Variants in DCP2 observed in about 807,000 individuals in gnomAD.
DCP2 encodes decapping mRNA 2.
Under a neutral mutation model 56.1 loss-of-function variants are expected in DCP2, and 30 were observed. The observed-to-expected ratio is 0.53, with a 90% CI of 0.40 to 0.73. DCP2 has a LOEUF of 0.73. Among genes scored for constraint, DCP2 ranks in the 30% least tolerant of loss-of-function variants. The pLI, the probability that DCP2 is intolerant of heterozygous loss-of-function variation, is 0.00. For synonymous variants in DCP2, 197 were observed against 163.3 expected (o/e 1.21, Z -1.57); for missense variants, 533 against 502.7 (o/e 1.06, Z -0.58).
rs1749865040 is a variant in DCP2 at position 113,015,858 on chromosome 5, A to G, written c.*2374A>G. ...TAGCGAACTGGATTTCTCCTTTGAG[A>G]AATTTTAGTATGGTTTGAGGAAATC... On this transcript the variant is annotated 3_prime_UTR_variant, in exon 11 of 11. Transcript: ENST00000389063. 1 of 152,604 alleles carries G rather than the reference A, an allele frequency of 6.6e-6. No individual in the cohort carries two copies. Among genetic ancestry groups the G allele is most frequent in the Admixed American group, 6.5e-5 (1 of 15,282 alleles). The allele number at this position is 152,604 out of a possible 1,614,324, so 9.5% of individuals were successfully genotyped here. A position where few individuals can be genotyped will look rare whatever the true frequency, so the allele number is the denominator to read the frequency against.
Position 112,992,133 on chromosome 5 carries a change from G to A in DCP2, c.218G>A (p.Cys73Tyr). Residue 73 changes from cysteine (C) to tyrosine (Y), a missense_variant, in exon 3 of 11, where the codon TGT (cysteine) becomes TAT (tyrosine). Cys to Tyr is a radical substitution (Grantham distance 194). Coordinates refer to ENST00000389063, the MANE Select transcript of DCP2 (RefSeq NM_152624.6). ...RDFAKAVFSH[C>Y]PFLLPQGEDV... is the part of the protein sequence containing the mutation. ...ACACTATTTATACTCTTCAGTCATT[G>A]TCCGTTTTTGCTGCCTCAAGGTGAA... 6.2e-7 allele frequency: 1 copy of A among 1,613,854 alleles called. No homozygotes were observed. The highest frequency in any genetic ancestry group is 8.5e-7 in the Non-Finnish European group (1 of 1,179,958).
At chr5:112,977,029 T>C (rs749190268) in intron 1 of DCP2, 43 bp downstream of exon 1, 19 of 1,457,392 alleles carry the variant, frequency 1.3e-5, no homozygotes, top group Non-Finnish European at 1.7e-5. Context: ...TCGGGTTTTC[T>C]CAGTTTCGCG....
rs1299414253 is a variant in DCP2, at chr5:113,020,734, C to T, written c.*7250C>T. The T allele has an allele frequency of 6.6e-6, 1 of 152,202 alleles. No individual in the cohort carries two copies. Among genetic ancestry groups the T allele is most frequent in the Non-Finnish European group, 1.5e-5 (1 of 68,040 alleles). The allele number at this position is 152,202 out of a possible 1,614,324, so 9.4% of individuals were successfully genotyped here. On this transcript the variant is annotated 3_prime_UTR_variant, in exon 11 of 11. Transcript: ENST00000389063. ...TAGAATGTCAGCTGTACTCTGTACTCTCCACTGAGAAAATGAACAAAATCC... is the reference window on the plus strand; with the variant it reads ...TAGAATGTCAGCTGTACTCTGTACTTTCCACTGAGAAAATGAACAAAATCC...
chr5:113,018,520 T>G lies in DCP2; in HGVS notation c.*5036T>G, dbSNP rs1447718511. ...GTACTCTGAAGAGTGAATGCAGAAA[T>G]CAGTTGGCTGTGTTTGTAATCTTGT... On this transcript the variant is annotated 3_prime_UTR_variant, in exon 11 of 11. Coordinates refer to ENST00000389063, the MANE Select transcript of DCP2 (RefSeq NM_152624.6). The G allele has an allele frequency of 1.3e-5, 2 of 152,220 alleles. No homozygotes were observed. Among genetic ancestry groups the G allele is most frequent in the African/African-American group, 4.8e-5 (2 of 41,454 alleles). The allele number at this position is 152,220 out of a possible 1,614,324, so 9.4% of individuals were successfully genotyped here.
rs531787311 is a variant in DCP2, at chr5:113,021,765, T to C, written c.*8281T>C. On this transcript the variant is annotated 3_prime_UTR_variant, in exon 11 of 11. Coordinates refer to ENST00000389063, the MANE Select transcript of DCP2 (RefSeq NM_152624.6). ...TTGTAATCTTTCTCTAACAGATGTG[T>C]TGCAAAGCTGCTTGCCATCTTGTTG... Among the ~76,000 whole-genome samples the C allele has an allele frequency of 6.6e-6, 1 of 152,376 alleles. No homozygotes were observed. Among genetic ancestry groups the C allele is most frequent in the South Asian group, 2.1e-4 (1 of 4,830 alleles).
chr5:112,992,893 G>C, intron 4 of DCP2, 123 bp downstream of exon 4: 1 of 462,860 alleles, frequency 2.2e-6, no homozygotes, highest in Non-Finnish European at 3.4e-6. Flanking sequence ...AGTGCATGAA[G>C]TAACTTACTT....
At position 113,013,581 on chromosome 5, in the gene DCP2, A is replaced by C. The variant is rs1749768425; in HGVS notation, c.*97A>C. 1.9e-5 allele frequency: 27 copies of C among 1,402,162 alleles called. No homozygotes were observed. The highest frequency in any genetic ancestry group is 2.5e-5 in the Non-Finnish European group (26 of 1,029,682). 86.9% of individuals were successfully genotyped at this position (1,402,162 alleles called of 1,614,324 possible). ...TTACCTTTCTCAGGTGTTTTAAAGA[A>C]ATGCAGGGAGGCAATGTTTCTGAAG... On this transcript the variant is annotated 3_prime_UTR_variant, in exon 11 of 11. Transcript: ENST00000389063.
intron 4 of DCP2, 105 bp from the exon 5 acceptor site, chr5:113,000,979 C>A: frequency 9.1e-7 from 1 of 1,104,244 alleles, no homozygotes. Context: ...ATAGTAAATA[C>A]AAGTCATGTC....
At chr5:112,988,614 G>A (rs976508383) in intron 2 of DCP2, among the ~76,000 whole-genome samples, 2 of 151,684 alleles carry the variant, frequency 1.3e-5, no homozygotes, top group African/African-American at 4.8e-5. Context: ...AGAAAACACT[G>A]ATGGGAGACA....
Position 112,992,151 on chromosome 5 carries a change from A to C in DCP2, c.236A>C (p.Gln79Pro), listed in dbSNP as rs764907689. 7 of 1,613,972 alleles carry C rather than the reference A, an allele frequency of 4.3e-6. No homozygotes were observed. The highest frequency in any genetic ancestry group is 5.9e-6 in the Non-Finnish European group (7 of 1,179,956). Residue 79 changes from glutamine (Q) to proline (P), a missense_variant, in exon 3 of 11, where the codon CAA (glutamine) becomes CCA (proline). By Grantham distance (76) the Gln-to-Pro change is moderately conservative. Transcript: ENST00000389063. ...AGTCATTGTCCGTTTTTGCTGCCTCAAGGTGAAGATGTGGAAAAAGTTTTG... is the reference window on the plus strand; with the variant it reads ...AGTCATTGTCCGTTTTTGCTGCCTCCAGGTGAAGATGTGGAAAAAGTTTTG... ...VFSHCPFLLPQGEDVEKVLDE... is the reference protein window; with the variant it reads ...VFSHCPFLLPPGEDVEKVLDE...
At position 113,021,707 on chromosome 5, in the gene DCP2, T is replaced by C. The variant is rs942083988; in HGVS notation, c.*8223T>C. Among the ~76,000 whole-genome samples, 7 of 48,994 alleles carry C rather than the reference T, an allele frequency of 1.4e-4. No homozygotes were observed. Among genetic ancestry groups the C allele is most frequent in the Non-Finnish European group, 3.4e-4 (6 of 17,756 alleles). 32.1% of individuals were successfully genotyped at this position (48,994 alleles called of 152,430 possible). On this transcript the variant is annotated 3_prime_UTR_variant, in exon 11 of 11. Coordinates refer to ENST00000389063, the MANE Select transcript of DCP2 (RefSeq NM_152624.6). ...TAAGGTGTTATACTTACTGTCAAAG[T>C]TACTTTGCTTCCATAGTGAAAACTT...
At chr5:112,983,822 G>A (rs1748123024) in intron 1 of DCP2, among the ~76,000 whole-genome samples, 1 of 152,120 alleles carries the variant, frequency 6.6e-6, no homozygotes, top group African/African-American at 2.4e-5. Flanking sequence ...ATTGCAAGTT[G>A]GAATTAAGAA....
chr5:112,984,703 A>AAAT, intron 1 of DCP2: 24 of 64,852 alleles, frequency 3.7e-4, no homozygotes, highest in African/African-American at 8.7e-4. Context: ...AAAAAAAAAA[A>AAAT]ATATATATAT....
intron 4 of DCP2, among the ~76,000 whole-genome samples, chr5:113,000,395 C>A (rs1749105432): frequency 8.6e-6 from 1 of 116,660 alleles, no homozygotes; most frequent in South Asian, 3.1e-4. Context: ...AATTACTTGT[C>A]TAATACACAC....
At chr5:112,984,698 AAAAAAATATATATAT>A (rs1236826481) in intron 1 of DCP2, 2 of 111,926 alleles carry the variant, frequency 1.8e-5, no homozygotes, top group Non-Finnish European at 3.5e-5. Context: ...AAAAAAAAAA[AAAAAAATATATATAT>A]ATATATATAT....
At chr5:112,983,938 T>C (rs1484775992) in intron 1 of DCP2, 1 of 152,236 alleles carries the variant, frequency 6.6e-6, no homozygotes, top group South Asian at 2.1e-4. Flanking sequence ...TCTTAAAATA[T>C]AGTATTTACC....
Position 113,017,876 on chromosome 5 carries a change from T to G in DCP2, c.*4392T>G, listed in dbSNP as rs576777966. 1.3e-5 allele frequency: 2 copies of G among 152,316 alleles called. No individual in the cohort carries two copies. Among genetic ancestry groups the G allele is most frequent in the South Asian group, 4.1e-4 (2 of 4,822 alleles). The allele number at this position is 152,316 out of a possible 1,614,324, so 9.4% of individuals were successfully genotyped here. The stretch of plus-strand genomic sequence containing the variant: ...TATGTATCGCCATTATCGAGTGTTT[T>G]CTAGCCCTGGATAAAGTTAATTTTT... On this transcript the variant is annotated 3_prime_UTR_variant, in exon 11 of 11. Transcript: ENST00000389063.
chr5:112,996,855 T>A (rs185376783), intron 4 of DCP2, among the ~76,000 whole-genome samples: 1 of 152,250 alleles, frequency 6.6e-6, no homozygotes, highest in Non-Finnish European at 1.5e-5. Flanking sequence ...ACAACAAATT[T>A]AAAGATTGCA....
chr5:113,009,589 A>G (rs758961183), intron 9 of DCP2, among the ~76,000 whole-genome samples: 3 of 152,196 alleles, frequency 2.0e-5, no homozygotes, highest in Non-Finnish European at 4.4e-5. Context: ...CTTTTTCCCT[A>G]GAAGAGGAAT....
Sources: allele counts gnomAD v4.1 joint callset (sites outside exome capture counted in the v4.1 genomes callset), GRCh38; gene constraint gnomAD v4.1.1; transcripts MANE v1.5; gene names NCBI Gene and HGNC (gene_info 2026-07-23, HGNC 2026-07-21).